Variants in PAX7 observed in about 807,000 individuals in gnomAD.
PAX7 encodes paired box protein Pax-7.
A neutral mutation model predicts 50.7 loss-of-function variants in PAX7; 18 were observed. The ratio of observed to expected loss-of-function variants is 0.36; its 90% CI spans 0.25 to 0.53. The LOEUF is 0.53. Ranked by LOEUF, PAX7 falls within the 20% of genes least tolerant of loss-of-function variation. The pLI is 0.93. For synonymous variants in PAX7, 310 were observed against 290.4 expected (o/e 1.07, Z -0.69); for missense variants, 644 against 702.9 (o/e 0.92, Z 0.95).
intron 4 of PAX7, among the ~76,000 whole-genome samples, chr1:18,655,770 G>GGTGTGTGTGTGTGT (rs549280757): frequency 3.0e-4 from 43 of 143,668 alleles, no homozygotes; most frequent in East Asian, 1.4e-3. Context: ...ACTTGGAGAG[G>GGTGTGTGTGTGTGT]GTGTGTGTGT....
chr1:18,642,597 GC>G (rs1376620409), intron 4 of PAX7, among the ~76,000 whole-genome samples: 2 of 152,160 alleles, frequency 1.3e-5, no homozygotes, highest in Admixed American at 1.3e-4. Context: ...AGATTAGGAT[GC>G]CCCCCTCAGT....
intron 5 of PAX7, among the ~76,000 whole-genome samples, chr1:18,695,688 C>A (rs1403499813): frequency 6.6e-6 from 1 of 152,190 alleles, no homozygotes; most frequent in African/African-American, 2.4e-5. Flanking sequence ...CCCATGACTC[C>A]TTTCTCTGGA....
At chr1:18,728,473 A>G (rs1570238054) in intron 7 of PAX7, among the ~76,000 whole-genome samples, 1 of 152,014 alleles carries the variant, frequency 6.6e-6, no homozygotes, top group East Asian at 1.9e-4. Context: ...TGGATGTGTC[A>G]TGGTATTACG....
chr1:18,667,883 C>T lies in PAX7; in HGVS notation c.587-23871C>T, dbSNP rs1017493618. On this transcript the variant is annotated intron_variant, in intron 4 of 8. Transcript: ENST00000420770. ...GCCAGTAGGACACATGCCCTCTCCCCAGCTCCCAATCCTCCCTTTCCTCTG... is the reference window on the plus strand; with the variant it reads ...GCCAGTAGGACACATGCCCTCTCCCTAGCTCCCAATCCTCCCTTTCCTCTG... Among the ~76,000 whole-genome samples the T allele has an allele frequency of 6.6e-5, 10 of 152,246 alleles. 2 individuals carry two copies. The highest frequency in any genetic ancestry group is 5.9e-4 in the Admixed American group (9 of 15,282).
chr1:18,658,302 C>T (rs2088553835), intron 4 of PAX7, among the ~76,000 whole-genome samples: 1 of 150,902 alleles, frequency 6.6e-6, no homozygotes, highest in African/African-American at 2.4e-5. Context: ...CCCATCCTGG[C>T]TGTGTCTTCG....
In PAX7 at chr1:18,725,198, T is replaced by G. The variant is rs1481028033; in HGVS notation, c.1156-10434T>G. Among the ~76,000 whole-genome samples the G allele has an allele frequency of 5.9e-5, 9 of 152,226 alleles. No individual in the cohort carries two copies. In the East Asian group the frequency reaches 1.7e-3, roughly 29 times the overall value. On this transcript the variant is annotated intron_variant, in intron 7 of 8. Coordinates refer to ENST00000420770, the MANE Select transcript of PAX7 (RefSeq NM_001135254.2). ...TGAGTCCTTAACACGTTGTGATATG[T>G]GCCAGCTTGTCTGCCCAGGTACTAA... is the stretch of plus-strand genomic sequence containing the variant.
chr1:18,740,245 G>C (rs1931055750), intron 8 of PAX7, among the ~76,000 whole-genome samples: 1 of 152,172 alleles, frequency 6.6e-6, no homozygotes, highest in Non-Finnish European at 1.5e-5. Context: ...CAGCCTGTTG[G>C]GTGCCCTTGA....
chr1:18,704,355 T>C (rs1211361254), intron 7 of PAX7, among the ~76,000 whole-genome samples: 1 of 152,196 alleles, frequency 6.6e-6, no homozygotes, highest in Non-Finnish European at 1.5e-5. Flanking sequence ...GCGTGGTGGC[T>C]CACACCTGTA....
intron 4 of PAX7, among the ~76,000 whole-genome samples, chr1:18,669,650 G>A (rs567712257): frequency 2.0e-5 from 3 of 152,306 alleles, no homozygotes; most frequent in South Asian, 4.1e-4. Context: ...ACTGGGGGAA[G>A]CTGTCCCAAA....
At chr1:18,656,854 T>A (rs1031806720) in intron 4 of PAX7, among the ~76,000 whole-genome samples, 1 of 151,098 alleles carries the variant, frequency 6.6e-6, no homozygotes, top group Admixed American at 6.6e-5. Context: ...TAGCCGGGCA[T>A]GGTGGGGCAC....
In PAX7 at chr1:18,725,027, A is replaced by C. The variant is rs1055193318; in HGVS notation, c.1156-10605A>C. On this transcript the variant is annotated intron_variant, in intron 7 of 8. Transcript: ENST00000420770. ...GTGATGGGCACATAGTAGGTGCTTA[A>C]GGCTATGATCCTTTGCCCATGTGAG... 3.9e-5 allele frequency among the ~76,000 whole-genome samples: 6 copies of C among 152,234 alleles called. No individual in the cohort carries two copies. The South Asian group carries it at 1.2e-3, about 32-fold the overall frequency.
rs541797226 is a variant in PAX7, at chr1:18,679,663, G to A, written c.587-12091G>A. Among the ~76,000 whole-genome samples, 148 of 152,290 alleles carry A rather than the reference G, an allele frequency of 9.7e-4. 1 individual carries two copies. Among genetic ancestry groups the A allele is most frequent in the Admixed American group, 4.5e-3 (69 of 15,302 alleles). Reference sequence around the variant, plus strand: ...CCCCTCTTCTCTGTAGGTACGTTTTGCATCCAGGACAGATTTCTGGGAAAA... The same window carrying A: ...CCCCTCTTCTCTGTAGGTACGTTTTACATCCAGGACAGATTTCTGGGAAAA... On this transcript the variant is annotated intron_variant, in intron 4 of 8. Coordinates refer to ENST00000420770, the MANE Select transcript of PAX7 (RefSeq NM_001135254.2).
intron 4 of PAX7, among the ~76,000 whole-genome samples, chr1:18,671,459 C>T (rs1239803833): frequency 1.3e-5 from 2 of 152,152 alleles, no homozygotes; most frequent in African/African-American, 4.8e-5. Flanking sequence ...GGCAGACAGC[C>T]GAGCCTGGAA....
Position 18,744,891 on chromosome 1 carries a change from C to T in PAX7, c.1480C>T (p.Leu494=), listed in dbSNP as rs199759403. 208 of 1,555,080 alleles carry T rather than the reference C, an allele frequency of 1.3e-4. 1 individual carries two copies. Among genetic ancestry groups the T allele is most frequent in the Middle Eastern group, 1.7e-4 (1 of 6,018 alleles). ...RMKLGEHSAV[L]GLLPVETGQA... ...GAAGCTCGGGGAGCACTCTGCTGTG[C>T]TGGGACTCCTGCCTGTGGAAACTGG... Residue 494 remains leucine (L), a synonymous_variant, in exon 9 of 9, where the codon CTG becomes TTG. Coordinates refer to ENST00000420770, the MANE Select transcript of PAX7 (RefSeq NM_001135254.2).
intron 4 of PAX7, among the ~76,000 whole-genome samples, chr1:18,661,753 C>A (rs1479874193): frequency 2.6e-5 from 4 of 152,212 alleles, no homozygotes; most frequent in East Asian, 1.9e-4. Flanking sequence ...CTGGGCCTGG[C>A]CTTTGAAGCT....
rs1339261143 is a variant in PAX7 at position 18,729,364 on chromosome 1, G to A, written c.1156-6268G>A. ...GGAGGGAGTGGCAGTAATCCCTGGG[G>A]TGCCAAGTCACTCTCCCTCTTTCAG... On this transcript the variant is annotated intron_variant, in intron 7 of 8. Transcript: ENST00000420770. Among the ~76,000 whole-genome samples, 4 of 152,128 alleles carry A rather than the reference G, an allele frequency of 2.6e-5. No individual in the cohort carries two copies. The East Asian group carries it at 7.7e-4, about 29-fold the overall frequency.
At chr1:18,698,176 A>G (rs987872656) in intron 5 of PAX7, among the ~76,000 whole-genome samples, 2 of 151,800 alleles carry the variant, frequency 1.3e-5, no homozygotes, top group African/African-American at 4.8e-5. Flanking sequence ...CGCCACCTTC[A>G]CCTATTATCT....
intron 4 of PAX7, among the ~76,000 whole-genome samples, chr1:18,675,156 A>T (rs971024142): frequency 6.6e-6 from 1 of 152,162 alleles, no homozygotes; most frequent in Admixed American, 6.5e-5. Flanking sequence ...TGAGGGTTCT[A>T]TGAAAGGATG....
chr1:18,711,498 G>A (rs953447214), intron 7 of PAX7, among the ~76,000 whole-genome samples: 3 of 152,128 alleles, frequency 2.0e-5, no homozygotes, highest in Admixed American at 6.5e-5. Flanking sequence ...TGCTTGAGTT[G>A]GTTTCCTATC....
Sources: allele counts gnomAD v4.1 joint callset (sites outside exome capture counted in the v4.1 genomes callset), GRCh38; gene constraint gnomAD v4.1.1; transcripts MANE v1.5; gene names NCBI Gene and HGNC (gene_info 2026-07-23, HGNC 2026-07-21).